ALKBH8: variants seen among roughly 807,000 people sequenced by gnomAD.
ALKBH8 encodes tRNA (carboxymethyluridine(34)-5-O)-methyltransferase ALKBH8.
ALKBH8 carries 36 observed loss-of-function variants against 59.8 expected under a neutral mutation model. The ratio of observed to expected loss-of-function variants is 0.60; its 90% CI spans 0.46 to 0.79. ALKBH8 has a LOEUF of 0.79. Ranked by LOEUF, ALKBH8 falls within the 30% of genes least tolerant of loss-of-function variation. ALKBH8 has a pLI of 0.00. For synonymous variants in ALKBH8, 276 were observed against 273.6 expected, an observed-to-expected ratio of 1.01 and a Z score of -0.09; for missense variants, 768 against 801.0, an observed-to-expected ratio of 0.96 and a Z score of 0.50.
In ALKBH8 at chr11:107,503,279, A is replaced by C. The variant is rs1862249320; in HGVS notation, c.*1379T>G. On this transcript the variant is annotated 3_prime_UTR_variant, in exon 12 of 12. Coordinates refer to ENST00000428149, the MANE Select transcript of ALKBH8 (RefSeq NM_138775.3). ...AGGGACCAGTACACCAGGATGTTGG[A>C]CTGAAATTCCATGAAAAAAATAATC... 1 of 152,112 alleles carries C rather than the reference A, an allele frequency of 6.6e-6. No individual in the cohort carries two copies. The highest frequency in any genetic ancestry group is 1.5e-5 in the Non-Finnish European group (1 of 68,004). 9.4% of individuals were successfully genotyped at this position (152,112 alleles called of 1,614,324 possible).
rs1304330456 is a variant in ALKBH8 at position 107,504,315 on chromosome 11, T to TC, written c.*342dup. The TC allele has an allele frequency of 1.3e-5, 7 of 542,996 alleles. No homozygotes were observed. In the East Asian group the frequency reaches 2.1e-4, roughly 16 times the overall value. The allele number at this position is 542,996 out of a possible 1,614,324, so 33.6% of individuals were successfully genotyped here. ...TTAACATATAATTACATCCCTAAAA[T>TC]CCTACATGATTTACTACATTTAGTA... On this transcript the variant is annotated 3_prime_UTR_variant, in exon 12 of 12. Transcript: ENST00000428149.
At chr11:107,563,424 T>C (rs1046957354) in intron 1 of ALKBH8, 1 of 152,238 alleles carries the variant, frequency 6.6e-6, no homozygotes, top group Non-Finnish European at 1.5e-5. Context: ...TGTATAATCC[T>C]AGATGAGTTG....
chr11:107,509,065 A>T (rs1031695100), intron 11 of ALKBH8, among the ~76,000 whole-genome samples: 3 of 152,168 alleles, frequency 2.0e-5, no homozygotes, highest in African/African-American at 7.2e-5. Context: ...TTCTATGTTC[A>T]ACTTTTTGAG....
rs372099942 is a variant in ALKBH8, at chr11:107,549,818, G to C, written c.706C>G (p.Pro236Ala). ...GCGGAATGTGTATCAATATGAGCGG[G>C]AATTCCTGAGATGGAAAACAGGACA... ...INQYEPGQGIPAHIDTHSAFE... is the reference protein window; with the variant it reads ...INQYEPGQGIAAHIDTHSAFE... Residue 236 changes from proline to alanine, a missense_variant, in exon 7 of 12, where the codon CCC (proline) becomes GCC (alanine). Pro to Ala is a conservative substitution (Grantham distance 27). Coordinates refer to ENST00000428149, the MANE Select transcript of ALKBH8 (RefSeq NM_138775.3). The C allele has an allele frequency of 1.8e-5, 28 of 1,546,432 alleles. No individual in the cohort carries two copies. The highest frequency in any genetic ancestry group is 2.4e-5 in the Non-Finnish European group (27 of 1,142,850).
Position 107,556,996 on chromosome 11 carries a change from A to G in ALKBH8, c.137T>C (p.Val46Ala). The change falls in exon 3 of 12, where the codon GTT becomes GCT. Residue 46 changes from valine to alanine, a missense_variant. By Grantham distance (64) the Val-to-Ala change is moderately conservative. Transcript: ENST00000428149. Reference protein sequence around the residue: ...ETVSYATQSLVVANGGLGNGV... With the variant: ...ETVSYATQSLAVANGGLGNGV... The stretch of plus-strand genomic sequence containing the variant: ...ATTACCCAAACCACCATTGGCAACA[A>G]CCAGGCTCTTAAAAAACAAACAAAC... The G allele has an allele frequency of 6.4e-7, 1 of 1,565,884 alleles. No homozygotes were observed.
chr11:107,550,556 G>A (rs1040908061), intron 6 of ALKBH8, among the ~76,000 whole-genome samples: 6 of 152,220 alleles, frequency 3.9e-5, no homozygotes, highest in African/African-American at 1.4e-4. Flanking sequence ...TGCTCTACAG[G>A]AACGGCCTCT....
chr11:107,538,840 G>A (rs1323779726), intron 7 of ALKBH8, among the ~76,000 whole-genome samples: 4 of 152,212 alleles, frequency 2.6e-5, no homozygotes, highest in South Asian at 2.1e-4. Context: ...AAGAGGCCGA[G>A]ATGATTAACC....
At chr11:107,543,334 C>CA (rs952069505) in intron 7 of ALKBH8, among the ~76,000 whole-genome samples, 371 of 144,222 alleles carry the variant, frequency 2.6e-3, no homozygotes, top group African/African-American at 8.5e-3. Flanking sequence ...GACTTCGTCT[C>CA]AAAAAAAAAA....
At chr11:107,564,556 A>G (rs1162151442) in intron 1 of ALKBH8, among the ~76,000 whole-genome samples, 1 of 152,168 alleles carries the variant, frequency 6.6e-6, no homozygotes, top group East Asian at 1.9e-4. Flanking sequence ...AGGAAAATGG[A>G]TCGATGAGTA....
intron 9 of ALKBH8, among the ~76,000 whole-genome samples, chr11:107,525,114 C>T (rs1049848480): frequency 5.9e-5 from 9 of 152,066 alleles, no homozygotes; most frequent in Admixed American, 2.0e-4. Context: ...CCAACAATAC[C>T]CGTTTTTAAA....
intron 10 of ALKBH8, among the ~76,000 whole-genome samples, chr11:107,519,255 G>A (rs116433886): frequency 0.02 from 3,008 of 152,034 alleles, 93 homozygotes; most frequent in African/African-American, 0.065. Flanking sequence ...ACAGGCATGC[G>A]TCACCATGAC....
At chr11:107,560,463 T>G (rs934230568) in intron 2 of ALKBH8, among the ~76,000 whole-genome samples, 1 of 152,038 alleles carries the variant, frequency 6.6e-6, no homozygotes, top group Non-Finnish European at 1.5e-5. Context: ...CATAAGGACT[T>G]CTAGGGAATT....
In ALKBH8 at chr11:107,506,833, T is replaced by A. The variant is rs1305754213; in HGVS notation, c.1438-1618A>T. On this transcript the variant is annotated intron_variant, in intron 11 of 11. Transcript: ENST00000428149. The stretch of plus-strand genomic sequence containing the variant: ...AAAAGAAACTTACTTCCTCTGAAAC[T>A]CTGAAGATGTAGGAGAAAAGGAAGA... 5.3e-5 allele frequency among the ~76,000 whole-genome samples: 8 copies of A among 152,072 alleles called. No individual in the cohort carries two copies. The South Asian group carries it at 1.7e-3, about 32-fold the overall frequency.
intron 1 of ALKBH8, 33 bp downstream of exon 1, chr11:107,565,568 C>T (rs1865100633): frequency 5.9e-6 from 9 of 1,535,624 alleles, no homozygotes; most frequent in Non-Finnish European, 7.8e-6. Context: ...TGATTTGCTG[C>T]CCGTATGCCC....
At chr11:107,552,521 G>A (rs1407632287) in intron 5 of ALKBH8, among the ~76,000 whole-genome samples, 4 of 152,022 alleles carry the variant, frequency 2.6e-5, no homozygotes, top group African/African-American at 9.7e-5. Context: ...GGAATTCACA[G>A]GAAAGGAAAT....
chr11:107,522,736 G>A (rs774337318), intron 9 of ALKBH8, among the ~76,000 whole-genome samples, 181 bp from the exon 10 acceptor site: 66 of 152,156 alleles, frequency 4.3e-4, no homozygotes, highest in Admixed American at 1.2e-3. Flanking sequence ...AGTCTGGGGG[G>A]CCAAGGCTGC....
chr11:107,542,915 A>G (rs1250210605), intron 7 of ALKBH8, among the ~76,000 whole-genome samples: 1 of 152,034 alleles, frequency 6.6e-6, no homozygotes, highest in Non-Finnish European at 1.5e-5. Flanking sequence ...GTCTCAAAAA[A>G]CAGGAATATT....
chr11:107,531,683 A>G (rs1863600695), intron 8 of ALKBH8, among the ~76,000 whole-genome samples: 1 of 152,246 alleles, frequency 6.6e-6, no homozygotes, highest in Non-Finnish European at 1.5e-5. Context: ...TGAGCACTGC[A>G]CTGTGGTTTT....
chr11:107,527,347 T>C (rs1863397177), intron 8 of ALKBH8, among the ~76,000 whole-genome samples: 1 of 151,970 alleles, frequency 6.6e-6, no homozygotes, highest in African/African-American at 2.4e-5. Flanking sequence ...CAGCAAATTA[T>C]ATAAAAATAT....
Sources: gnomAD v4.1 joint callset for allele counts (sites outside exome capture counted in the v4.1 genomes callset) on GRCh38, gnomAD v4.1.1 for gene constraint, MANE v1.5 for transcripts, NCBI Gene and HGNC (gene_info 2026-07-23, HGNC 2026-07-21) for gene names.